The following ZFPM2 variants were observed in gnomAD, a reference collection of about 807,000 sequenced individuals.
ZFPM2 encodes the protein zinc finger protein ZFPM2.
In ZFPM2, 20 loss-of-function variants were observed where a neutral mutation model predicts 98.6. The observed-to-expected ratio is 0.20, with a 90% CI of 0.14 to 0.29. ZFPM2 has a LOEUF of 0.29. ZFPM2 is among the 10% of genes least tolerant of loss of function. The pLI is 1.00. For missense variants in ZFPM2, 1,310 were observed against 1,388.6 expected (o/e 0.94, Z 0.90); for synonymous variants, 518 against 502.7 (o/e 1.03, Z -0.41).
At chr8:105,646,705 C>T (rs1399420416) in intron 5 of ZFPM2, among the ~76,000 whole-genome samples, 1 of 152,078 alleles carries the variant, frequency 6.6e-6, no homozygotes, top group African/African-American at 2.4e-5. Context: ...TTGATCTCAG[C>T]ATGCTTAACT....
chr8:105,758,422 A>G (rs973466259), intron 5 of ZFPM2, among the ~76,000 whole-genome samples: 7 of 152,170 alleles, frequency 4.6e-5, no homozygotes, highest in African/African-American at 1.2e-4. Flanking sequence ...AGTTATACCT[A>G]TCATCTATAG....
chr8:105,696,267 C>T (rs571930192), intron 5 of ZFPM2, among the ~76,000 whole-genome samples: 22 of 152,254 alleles, frequency 1.4e-4, no homozygotes, highest in Non-Finnish European at 2.1e-4. Flanking sequence ...GGCAGTGAGG[C>T]GGAGAAATTG....
intron 1 of ZFPM2, among the ~76,000 whole-genome samples, chr8:105,403,697 G>T (rs1424419334): frequency 1.3e-5 from 2 of 151,810 alleles, no homozygotes; most frequent in East Asian, 1.9e-4. Flanking sequence ...ATATAGCCTG[G>T]CTCTAAAGCA....
At chr8:105,468,019 C>T (rs1245405440) in intron 3 of ZFPM2, among the ~76,000 whole-genome samples, 1 of 151,984 alleles carries the variant, frequency 6.6e-6, no homozygotes, top group East Asian at 1.9e-4. Flanking sequence ...ATTCTGTCTC[C>T]ACTATCACTC....
intron 5 of ZFPM2, among the ~76,000 whole-genome samples, chr8:105,734,459 T>A (rs1586228022): frequency 6.6e-6 from 1 of 151,956 alleles, no homozygotes; most frequent in Non-Finnish European, 1.5e-5. Context: ...ATGAAATGTA[T>A]GTTGTAATGC....
Position 105,318,929 on chromosome 8 carries a change from A to G in ZFPM2, c.-13A>G, listed in dbSNP as rs767499107. 1.4e-6 allele frequency: 2 copies of G among 1,422,420 alleles called. No homozygotes were observed. The highest frequency in any genetic ancestry group is 2.4e-5 in the Admixed American group (1 of 41,522). The allele number at this position is 1,422,420 out of a possible 1,614,324, so 88.1% of individuals were successfully genotyped here. A position where few individuals can be genotyped will look rare whatever the true frequency, so the allele number is the denominator to read the frequency against. ...GCACCGCGGGAGCCCCAGCGGCAGCAGCCGCCGCCGAGATGTCCCGGCGAA... is the reference window on the plus strand; with the variant it reads ...GCACCGCGGGAGCCCCAGCGGCAGCGGCCGCCGCCGAGATGTCCCGGCGAA... On this transcript the variant is annotated 5_prime_UTR_variant, in exon 1 of 8. Transcript: ENST00000407775.
chr8:105,320,256 TTGTG>T (rs71305141), intron 1 of ZFPM2, among the ~76,000 whole-genome samples: 4,727 of 142,260 alleles, frequency 0.033, 67 homozygotes, highest in African/African-American at 0.042. Context: ...ATTCAGATCT[TTGTG>T]TGTGTGTGTG....
chr8:105,486,014 G>A (rs1447231604), intron 3 of ZFPM2, among the ~76,000 whole-genome samples: 1 of 152,072 alleles, frequency 6.6e-6, no homozygotes, highest in Non-Finnish European at 1.5e-5. Flanking sequence ...CTGAGCTTTG[G>A]ATGACTCACA....
At chr8:105,446,113 G>A (rs959497293) in intron 3 of ZFPM2, among the ~76,000 whole-genome samples, 2 of 151,942 alleles carry the variant, frequency 1.3e-5, no homozygotes, top group Non-Finnish European at 1.5e-5. Context: ...GTAGAGACGG[G>A]GTTTCACCAT....
chr8:105,373,360 G>GA (rs2129826159), intron 1 of ZFPM2, among the ~76,000 whole-genome samples: 1 of 152,264 alleles, frequency 6.6e-6, no homozygotes, highest in South Asian at 2.1e-4. Context: ...TCCAAGTTCA[G>GA]TTATTATTTC....
At chr8:105,798,052 ATCAGGGCTAACATTAG>A (rs1198008682) in intron 6 of ZFPM2, 2 of 152,244 alleles carry the variant, frequency 1.3e-5, no homozygotes, top group East Asian at 3.8e-4. Context: ...AGGGGTTGAC[ATCAGGGCTAACATTAG>A]TTCAGCCCTT....
chr8:105,522,722 T>A (rs1275892225), intron 3 of ZFPM2, among the ~76,000 whole-genome samples: 1 of 151,128 alleles, frequency 6.6e-6, no homozygotes, highest in Non-Finnish European at 1.5e-5. Context: ...GCCACTGCAC[T>A]CCAGCAACAG....
chr8:105,608,562 G>A (rs1438413660), intron 4 of ZFPM2, among the ~76,000 whole-genome samples: 1 of 146,482 alleles, frequency 6.8e-6, no homozygotes, highest in East Asian at 2.0e-4. Context: ...AGTTTAGAAA[G>A]GCTAGAGAAC....
At chr8:105,467,755 A>G (rs1563672921) in intron 3 of ZFPM2, among the ~76,000 whole-genome samples, 1 of 152,080 alleles carries the variant, frequency 6.6e-6, no homozygotes, top group East Asian at 1.9e-4. Context: ...ACACACATGT[A>G]TATATATACA....
chr8:105,558,470 G>T (rs1259575701), intron 3 of ZFPM2, among the ~76,000 whole-genome samples: 10 of 152,110 alleles, frequency 6.6e-5, no homozygotes, highest in Non-Finnish European at 4.4e-5. Context: ...CCATATTTAA[G>T]AGCTTGTAAA....
chr8:105,408,882 G>C (rs1381011172), intron 1 of ZFPM2, among the ~76,000 whole-genome samples: 2 of 151,898 alleles, frequency 1.3e-5, no homozygotes, highest in African/African-American at 2.4e-5. Context: ...TCAAGGTGGT[G>C]GTGGTGCTAA....
At chr8:105,714,836 T>C (rs1811480624) in intron 5 of ZFPM2, among the ~76,000 whole-genome samples, 2 of 152,088 alleles carry the variant, frequency 1.3e-5, no homozygotes, top group South Asian at 4.1e-4. Context: ...TGATACTAAT[T>C]ATACAAATTA....
At chr8:105,668,205 C>T (rs1563513199) in intron 5 of ZFPM2, among the ~76,000 whole-genome samples, 1 of 152,170 alleles carries the variant, frequency 6.6e-6, no homozygotes, top group Non-Finnish European at 1.5e-5. Context: ...GTGTGCTTGT[C>T]CTTCACTACC....
chr8:105,543,840 C>A (rs1381623919), intron 3 of ZFPM2, among the ~76,000 whole-genome samples: 4 of 152,180 alleles, frequency 2.6e-5, no homozygotes, highest in Non-Finnish European at 5.9e-5. Context: ...ATGATACTTT[C>A]CGTCATGAAC....
Sources: gnomAD v4.1 joint callset for allele counts (sites outside exome capture counted in the v4.1 genomes callset) on GRCh38, gnomAD v4.1.1 for gene constraint, MANE v1.5 for transcripts, NCBI Gene and HGNC (gene_info 2026-07-23, HGNC 2026-07-21) for gene names.